The following KIF13B variants were observed in gnomAD, a reference collection of about 807,000 sequenced individuals.
KIF13B encodes the protein kinesin family member 13B, also known as kinesin-like protein KIF13B.
In KIF13B, 127 loss-of-function variants were observed where a neutral mutation model predicts 222.0. That is an observed-to-expected ratio of 0.57 (90% CI 0.50 to 0.66). KIF13B has a LOEUF of 0.66. KIF13B is among the 30% of genes least tolerant of loss of function. KIF13B has a pLI of 0.00. For missense variants in KIF13B, 2,173 were observed against 2,379.0 expected (o/e 0.91, Z 1.80); for synonymous variants, 976 against 919.0 (o/e 1.06, Z -1.12).
At chr8:29,234,573 A>G (rs1815424164) in intron 2 of KIF13B, among the ~76,000 whole-genome samples, 1 of 149,442 alleles carries the variant, frequency 6.7e-6, no homozygotes, top group Non-Finnish European at 1.5e-5. Flanking sequence ...AGTTCTGAAG[A>G]TGAATAGTGC....
chr8:29,106,979 C>T (rs1159855027), intron 35 of KIF13B, among the ~76,000 whole-genome samples: 1 of 152,170 alleles, frequency 6.6e-6, no homozygotes, highest in Non-Finnish European at 1.5e-5. Flanking sequence ...TCAAAAGTGA[C>T]AGGCACAAAC....
chr8:29,110,134 T>C, intron 32 of KIF13B, 64 bp from the exon 33 acceptor site: 1 of 1,330,506 alleles, frequency 7.5e-7, no homozygotes, highest in Non-Finnish European at 1.0e-6. Flanking sequence ...CGTACACGCG[T>C]GCACACACAG....
rs148387804 is a variant in KIF13B, at chr8:29,099,269, T to C, written c.4216-28A>G. The C allele has an allele frequency of 2.0e-4, 303 of 1,508,198 alleles. No homozygotes were observed. In the African/African-American group the frequency reaches 3.6e-3, roughly 18 times the overall value. 93.4% of individuals were successfully genotyped at this position (1,508,198 alleles called of 1,614,324 possible). ...AGTAAAGACAAAATTGGCAATTTTG[T>C]TTCAAGTTATTCAATTAACCAAACA... is the stretch of plus-strand genomic sequence containing the variant. On this transcript the variant is annotated intron_variant, in intron 35 of 39. Coordinates refer to ENST00000524189, the MANE Select transcript of KIF13B (RefSeq NM_015254.4).
At chr8:29,140,348 G>T in intron 20 of KIF13B, 120 bp downstream of exon 20, 1 of 1,372,872 alleles carries the variant, frequency 7.3e-7, no homozygotes, top group African/African-American at 1.4e-5. Context: ...AAGAGTCCTT[G>T]GAAACACAAG....
intron 30 of KIF13B, 52 bp from the exon 31 acceptor site, chr8:29,117,059 A>T: frequency 6.7e-7 from 1 of 1,488,370 alleles, no homozygotes; most frequent in East Asian, 2.3e-5. Flanking sequence ...AGAAACATGA[A>T]AACTCTTTCA....
intron 2 of KIF13B, among the ~76,000 whole-genome samples, chr8:29,230,369 C>A (rs1265711493): frequency 6.6e-6 from 1 of 152,144 alleles, no homozygotes; most frequent in Non-Finnish European, 1.5e-5. Context: ...TAAAAATTAA[C>A]CCAATCTATA....
Position 29,165,745 on chromosome 8 carries a change from G to A in KIF13B, c.1186C>T (p.Arg396Trp), listed in dbSNP as rs764691078. The change falls in exon 12 of 40, where the codon CGG (arginine) becomes TGG (tryptophan). Residue 396 changes from arginine (R) to tryptophan (W), a missense_variant. Coordinates refer to ENST00000524189, the MANE Select transcript of KIF13B (RefSeq NM_015254.4). ...EAMKSPELKDRLEESEKLIQE... is the reference protein window; with the variant it reads ...EAMKSPELKDWLEESEKLIQE... ...ATTAGCTTCTCAGATTCTTCCAGCC[G>A]GTCCTTTAGCTCTGGAGATTTCATT... The A allele has an allele frequency of 5.0e-6, 8 of 1,613,144 alleles. No homozygotes were observed. Among genetic ancestry groups the A allele is most frequent in the Middle Eastern group, 1.6e-4 (1 of 6,084 alleles).
chr8:29,071,844 C>T lies in KIF13B; in HGVS notation c.4994G>A (p.Gly1665Glu). The T allele has an allele frequency of 6.5e-7, 1 of 1,539,948 alleles. No homozygotes were observed. The highest frequency in any genetic ancestry group is 8.7e-7 in the Non-Finnish European group (1 of 1,146,036). ...ELRSFSRMLA[G>E]DPGCSPGAEG... is the part of the protein sequence containing the mutation. Reference sequence around the variant, plus strand: ...GGCCCCCGGGGAGCAGCCGGGGTCCCCAGCCAGCATGCGCGAGAAGGAGCG... The same window carrying T: ...GGCCCCCGGGGAGCAGCCGGGGTCCTCAGCCAGCATGCGCGAGAAGGAGCG... Residue 1665 changes from glycine (G) to glutamate (E), a missense_variant, in exon 39 of 40, where the codon GGG becomes GAG. Transcript: ENST00000524189. This position sits in a 1 kb window ranked among gnomAD's most constrained non-coding sequence, Gnocchi z 4.9.
chr8:29,241,726 AG>A (rs1767031102), intron 2 of KIF13B, among the ~76,000 whole-genome samples: 3 of 144,190 alleles, frequency 2.1e-5, no homozygotes, highest in African/African-American at 2.7e-5. Flanking sequence ...AAAAAAAAAA[AG>A]CCTTTTCCAC....
intron 22 of KIF13B, 132 bp downstream of exon 22, chr8:29,133,908 C>T: frequency 1.2e-6 from 1 of 844,646 alleles, no homozygotes; most frequent in Admixed American, 3.0e-5. Flanking sequence ...ACTTTTTACT[C>T]AATCCCCACA....
At position 29,070,566 on chromosome 8, in the gene KIF13B, C is replaced by G; in HGVS notation, c.5419G>C (p.Ala1807Pro). 6.2e-7 allele frequency: 1 copy of G among 1,606,608 alleles called. No individual in the cohort carries two copies. Among genetic ancestry groups the G allele is most frequent in the South Asian group, 1.1e-5 (1 of 90,036 alleles). Residue 1807 changes from alanine (A) to proline (P), a missense_variant, in exon 40 of 40, where the codon GCC becomes CCC. By Grantham distance (27) the Ala-to-Pro change is conservative. Transcript: ENST00000524189. The surrounding 1 kb of genome is among the most constrained non-coding windows in gnomAD (Gnocchi z 4.1). ...SATNLASLTA[A>P]LAKADRSHKN... is the part of the protein sequence containing the mutation. ...TGGCTCCTGTCGGCCTTGGCCAGGG[C>G]AGCTGTCAGCGAGGCCAGGTTGGTG...
intron 14 of KIF13B, among the ~76,000 whole-genome samples, chr8:29,152,063 G>C (rs1020463052): frequency 6.6e-6 from 1 of 152,146 alleles, no homozygotes; most frequent in Admixed American, 6.5e-5. Flanking sequence ...CCTTCGGGGG[G>C]TTCAAGACTT....
In KIF13B at chr8:29,132,328, C is replaced by G; in HGVS notation, c.2922G>C (p.Lys974Asn). ...ALWDLGIIQA[K>N]TRSLRDRWSE... ...TTCACCTGTCCCGAAGACTACGTGTCTTTGCTTGGATGATTCCCAAATCCC... is the reference window on the plus strand; with the variant it reads ...TTCACCTGTCCCGAAGACTACGTGTGTTTGCTTGGATGATTCCCAAATCCC... Residue 974 changes from lysine to asparagine, a missense_variant, in exon 23 of 40, where the codon AAG becomes AAC. Physicochemically the swap from Lys to Asn is moderately conservative, Grantham distance 94 (BLOSUM62 0). Around this residue, in one of 2 missense-constraint regions of KIF13B, gnomAD observed 1,480 missense variants for 1,722.8 expected, o/e 0.86. Coordinates refer to ENST00000524189, the MANE Select transcript of KIF13B (RefSeq NM_015254.4). The G allele has an allele frequency of 1.3e-6, 2 of 1,564,698 alleles. No homozygotes were observed. Among genetic ancestry groups the G allele is most frequent in the Non-Finnish European group, 8.7e-7 (1 of 1,155,050 alleles).
At chr8:29,148,866 A>G in intron 15 of KIF13B, 99 bp from the exon 16 acceptor site, 1 of 903,956 alleles carries the variant, frequency 1.1e-6, no homozygotes, top group Non-Finnish European at 1.7e-6. Flanking sequence ...AGTGGATACC[A>G]TGTAAGTACA....
chr8:29,078,589 A>G (rs1008497283), intron 37 of KIF13B, among the ~76,000 whole-genome samples: 1 of 152,252 alleles, frequency 6.6e-6, no homozygotes, highest in Non-Finnish European at 1.5e-5. Flanking sequence ...ATTTCAGATC[A>G]TAAGTTCATT....
intron 16 of KIF13B, among the ~76,000 whole-genome samples, chr8:29,148,204 C>CA (rs998066157): frequency 2.6e-5 from 4 of 152,040 alleles, no homozygotes; most frequent in Non-Finnish European, 5.9e-5. Context: ...GACTCTCTCA[C>CA]AAAAAATTAA....
intron 15 of KIF13B, among the ~76,000 whole-genome samples, chr8:29,149,924 G>A (rs960945676): frequency 4.0e-5 from 6 of 151,884 alleles, no homozygotes; most frequent in African/African-American, 1.5e-4. Flanking sequence ...TTATTTTATA[G>A]ATAAGGAAAC....
At chr8:29,166,719 A>AT (rs1554611131) in intron 11 of KIF13B, among the ~76,000 whole-genome samples, 1 of 151,862 alleles carries the variant, frequency 6.6e-6, no homozygotes, top group Non-Finnish European at 1.5e-5. Context: ...AAAAAAAAAA[A>AT]AAGTAGGAAT....
intron 21 of KIF13B, among the ~76,000 whole-genome samples, chr8:29,138,892 G>A (rs1304998386): frequency 7.2e-5 from 11 of 152,040 alleles, no homozygotes; most frequent in South Asian, 2.1e-4. Context: ...GAAAACTGAC[G>A]ATTTTAATAT....
Sources: gnomAD v4.1 joint callset for allele counts (sites outside exome capture counted in the v4.1 genomes callset) on GRCh38, gnomAD v4.1.1 for gene constraint, gnomAD v4.1.1 regional missense constraint, Gnocchi (gnomAD v3.1) non-coding constraint, MANE v1.5 for transcripts, NCBI Gene and HGNC (gene_info 2026-07-23, HGNC 2026-07-21) for gene names.